ZNF638: variants seen among roughly 807,000 people sequenced by gnomAD.
The protein encoded by ZNF638 is zinc finger protein 638.
ZNF638 carries 46 observed loss-of-function variants against 195.6 expected under a neutral mutation model. The observed-to-expected ratio is 0.24, with a 90% CI of 0.19 to 0.30. The LOEUF is 0.30. ZNF638 is among the 10% of genes least tolerant of loss of function. The pLI is 1.00. For missense variants in ZNF638, 2,440 were observed against 2,325.3 expected, an observed-to-expected ratio of 1.05 and a Z score of -1.01; for synonymous variants, 845 against 772.0, an observed-to-expected ratio of 1.09 and a Z score of -1.57.
Position 71,426,550 on chromosome 2 carries a change from C to G in ZNF638, c.4681C>G (p.Leu1561Val), listed in dbSNP as rs139978695. Residue 1561 changes from leucine to valine, a missense_variant, in exon 24 of 28, where the codon CTA (leucine) becomes GTA (valine). By Grantham distance (32) the Leu-to-Val change is conservative. This residue lies in a region of ZNF638 where 1,883 missense variants were observed against 1,739.1 expected (regional missense o/e 1.08). Coordinates refer to ENST00000264447, the MANE Select transcript of ZNF638 (RefSeq NM_014497.5). ...VNPSQAKQNP[L>V]KGKRKETLKN... ...TCCTTCTCAGGCCAAGCAGAATCCACTAAAGGGAAAAAGGAAAGAAACTCT... is the reference window on the plus strand; with the variant it reads ...TCCTTCTCAGGCCAAGCAGAATCCAGTAAAGGGAAAAAGGAAAGAAACTCT... 3.0e-5 allele frequency: 49 copies of G among 1,613,900 alleles called. No individual in the cohort carries two copies. The African/African-American group carries it at 6.0e-4, about 20-fold the overall frequency.
At chr2:71,414,032 G>T (rs2080268693) in intron 20 of ZNF638, among the ~76,000 whole-genome samples, 1 of 134,138 alleles carries the variant, frequency 7.5e-6, no homozygotes, top group Non-Finnish European at 1.6e-5. Context: ...TCTGTTGATT[G>T]GAATAGTTTC....
chr2:71,340,930 C>CAAAAGTATGGTA (rs2078752701), intron 1 of ZNF638, among the ~76,000 whole-genome samples: 1 of 152,032 alleles, frequency 6.6e-6, no homozygotes, highest in African/African-American at 2.4e-5. Flanking sequence ...AGTGTAAGTC[C>CAAAAGTATGGTA]AAAAGTATGG....
At chr2:71,371,133 A>G (rs2079304448) in intron 8 of ZNF638, among the ~76,000 whole-genome samples, 1 of 152,156 alleles carries the variant, frequency 6.6e-6, no homozygotes. Flanking sequence ...ACTTAATATA[A>G]TGACTTCCAG....
chr2:71,344,196 C>T (rs565889451), intron 1 of ZNF638, among the ~76,000 whole-genome samples: 58 of 152,342 alleles, frequency 3.8e-4, no homozygotes, highest in African/African-American at 1.3e-3. Flanking sequence ...AAACTCTCTC[C>T]AACCCAGAAT....
chr2:71,363,295 A>T (rs1260895634), intron 4 of ZNF638, 104 bp downstream of exon 4: 1 of 860,016 alleles, frequency 1.2e-6, no homozygotes, highest in Non-Finnish European at 1.8e-6. Flanking sequence ...CTGCCATTTA[A>T]ACAACAGGCA....
intron 6 of ZNF638, 34 bp from the exon 7 acceptor site, chr2:71,368,348 G>A: frequency 6.3e-7 from 1 of 1,591,838 alleles, no homozygotes; most frequent in Non-Finnish European, 8.5e-7. Flanking sequence ...GCTTAATTTG[G>A]TTTATTTTAA....
chr2:71,428,758 C>T, intron 25 of ZNF638, 107 bp downstream of exon 25: 1 of 932,138 alleles, frequency 1.1e-6, no homozygotes, highest in South Asian at 1.7e-5. Context: ...TGGAATAGAG[C>T]AGGGGTGGGA....
At chr2:71,403,443 A>G (rs1013621594) in intron 16 of ZNF638, among the ~76,000 whole-genome samples, 15 of 152,230 alleles carry the variant, frequency 9.9e-5, no homozygotes, top group East Asian at 5.8e-4. Flanking sequence ...TGACTTCACA[A>G]TTGTTACACG....
intron 10 of ZNF638, among the ~76,000 whole-genome samples, chr2:71,385,686 T>A (rs969834840): frequency 1.3e-5 from 2 of 152,310 alleles, no homozygotes; most frequent in African/African-American, 4.8e-5. Context: ...TTGTGTCAGT[T>A]TTCTGTCTGT....
rs575012654 is a variant in ZNF638 at position 71,357,895 on chromosome 2, C to A, written c.1379+2115C>A. On this transcript the variant is annotated intron_variant, in intron 3 of 27. Transcript: ENST00000264447. ...TTTACAAATTGAAAGATTGTGGGAA[C>A]CCTGTGTCAAGTCTACTGGTGCCAT... Among the ~76,000 whole-genome samples, 8 of 26,898 alleles carry A rather than the reference C, an allele frequency of 3.0e-4. No homozygotes were observed. In the South Asian group the frequency reaches 5.2e-3, roughly 17 times the overall value. 17.6% of individuals were successfully genotyped at this position (26,898 alleles called of 152,430 possible).
At chr2:71,418,929 G>C (rs138896302) in intron 21 of ZNF638, among the ~76,000 whole-genome samples, 1 of 152,042 alleles carries the variant, frequency 6.6e-6, no homozygotes, top group Non-Finnish European at 1.5e-5. Flanking sequence ...TAAGACTCTC[G>C]AATAACTCAA....
At chr2:71,357,882 A>G (rs1238472837) in intron 3 of ZNF638, among the ~76,000 whole-genome samples, 1 of 96,634 alleles carries the variant, frequency 1.0e-5, no homozygotes, top group Non-Finnish European at 2.1e-5. Context: ...TACAAATTGA[A>G]AGATTGTGGG....
intron 2 of ZNF638, among the ~76,000 whole-genome samples, chr2:71,352,044 T>G (rs142487055): frequency 6.6e-6 from 1 of 152,350 alleles, no homozygotes; most frequent in Non-Finnish European, 1.5e-5. Flanking sequence ...CAAAAGACTT[T>G]TATAGCCTAG....
chr2:71,380,880 C>A, intron 10 of ZNF638: 1 of 192,968 alleles, frequency 5.2e-6, no homozygotes, highest in Non-Finnish European at 1.0e-5. Flanking sequence ...CCGATAAACC[C>A]ACAAGACACA....
chr2:71,389,931 C>T (rs948498248), intron 10 of ZNF638, among the ~76,000 whole-genome samples: 2 of 152,188 alleles, frequency 1.3e-5, no homozygotes, highest in East Asian at 3.9e-4. Flanking sequence ...AGCACGTCAA[C>T]TGGTGGGGAC....
chr2:71,349,696 A>T lies in ZNF638; in HGVS notation c.742A>T (p.Ile248Phe). ...VENEFQSQQN[I>F]SASVPNPNVI... is the part of the protein sequence containing the mutation. ...GAATGAATTTCAGTCACAGCAGAAC[A>T]TTTCTGCATCTGTTCCCAATCCAAA... Residue 248 changes from isoleucine to phenylalanine, a missense_variant, in exon 2 of 28, where the codon ATT (isoleucine) becomes TTT (phenylalanine). Physicochemically the swap from Ile to Phe is conservative, Grantham distance 21. Coordinates refer to ENST00000264447, the MANE Select transcript of ZNF638 (RefSeq NM_014497.5). 6.2e-7 allele frequency: 1 copy of T among 1,614,198 alleles called. No homozygotes were observed. The highest frequency in any genetic ancestry group is 8.5e-7 in the Non-Finnish European group (1 of 1,180,030).
rs533575527 is a variant in ZNF638 at position 71,382,015 on chromosome 2, T to A, written c.2377+1450T>A. 1.3e-3 allele frequency among the ~76,000 whole-genome samples: 198 copies of A among 152,224 alleles called. 1 individual carries two copies. The highest frequency in any genetic ancestry group is 4.8e-3 in the African/African-American group (198 of 41,556). On this transcript the variant is annotated intron_variant, in intron 10 of 27. Transcript: ENST00000264447. ...AGGACCTGATGTGAAAAAGGTTAATTTAAGTGATGTGAGGAGGTAAAATTT... is the reference window on the plus strand; with the variant it reads ...AGGACCTGATGTGAAAAAGGTTAATATAAGTGATGTGAGGAGGTAAAATTT...
At chr2:71,340,441 A>G (rs183821604) in intron 1 of ZNF638, among the ~76,000 whole-genome samples, 1 of 152,338 alleles carries the variant, frequency 6.6e-6, no homozygotes, top group East Asian at 1.9e-4. Context: ...ACAGAATGAC[A>G]TGTTAGTTTT....
intron 10 of ZNF638, chr2:71,388,390 G>C: frequency 1.5e-6 from 1 of 645,926 alleles, no homozygotes; most frequent in Non-Finnish European, 2.8e-6. Context: ...TTGATCATCT[G>C]ACCTTTGATC....
Sources: gnomAD v4.1 joint callset for allele counts (sites outside exome capture counted in the v4.1 genomes callset) on GRCh38, gnomAD v4.1.1 for gene constraint, gnomAD v4.1.1 regional missense constraint, MANE v1.5 for transcripts, NCBI Gene and HGNC (gene_info 2026-07-23, HGNC 2026-07-21) for gene names.